The following CFAP92 variants were observed in gnomAD, a reference collection of about 807,000 sequenced individuals.
The protein encoded by CFAP92 is cilia and flagella associated protein 92 (putative).
A neutral mutation model predicts 106.3 loss-of-function variants in CFAP92; 86 were observed. The ratio of observed to expected loss-of-function variants is 0.81; its 90% CI spans 0.68 to 0.97. CFAP92 has a LOEUF of 0.97. Ranked by LOEUF, CFAP92 falls within the 50% of genes least tolerant of loss-of-function variation. The pLI, the probability that CFAP92 is intolerant of heterozygous loss-of-function variation, is 0.00. For synonymous variants in CFAP92, 477 were observed against 506.4 expected, an observed-to-expected ratio of 0.94 and a Z score of 0.78; for missense variants, 1,204 against 1,283.8, an observed-to-expected ratio of 0.94 and a Z score of 0.95.
Position 128,989,300 on chromosome 3 carries a change from A to AG in CFAP92, c.263-383_263-382insC, listed in dbSNP as rs1192923276. On this transcript the variant is annotated intron_variant, in intron 2 of 15. Transcript: ENST00000645291. ...CCCTAAGAAGCAGGTAAAAAAAAAA[A>AG]AAAAAAAAAATCACAGTACAATGTG... Among the ~76,000 whole-genome samples the AG allele has an allele frequency of 2.0e-5, 3 of 151,992 alleles. No homozygotes were observed. In the East Asian group the frequency reaches 5.8e-4, roughly 29 times the overall value.
intron 1 of CFAP92, among the ~76,000 whole-genome samples, chr3:128,999,527 G>T (rs1471060779): frequency 4.1e-5 from 6 of 146,646 alleles, no homozygotes; most frequent in Non-Finnish European, 7.5e-5. Flanking sequence ...AATAAAATCA[G>T]GTTCTTTTTT....
intron 12 of CFAP92, among the ~76,000 whole-genome samples, chr3:128,925,173 G>A (rs191576370): frequency 2.0e-5 from 3 of 152,318 alleles, no homozygotes; most frequent in African/African-American, 4.8e-5. Flanking sequence ...GTTTTTCCAT[G>A]GCCAGTGGGA....
At chr3:128,957,640 A>G (rs1941545719) in intron 9 of CFAP92, among the ~76,000 whole-genome samples, 1 of 152,234 alleles carries the variant, frequency 6.6e-6, no homozygotes, top group Non-Finnish European at 1.5e-5. Context: ...CTTAAGCTCT[A>G]ATATATCAAC....
At chr3:128,987,905 C>A in intron 3 of CFAP92, 76 bp from the exon 4 acceptor site, 1 of 1,292,764 alleles carries the variant, frequency 7.7e-7, no homozygotes, top group Non-Finnish European at 1.1e-6. Flanking sequence ...CAAGCCCCAG[C>A]CCCAGCCTGG....
At chr3:128,940,470 A>C (rs2107719256) in intron 10 of CFAP92, among the ~76,000 whole-genome samples, 1 of 152,280 alleles carries the variant, frequency 6.6e-6, no homozygotes, top group East Asian at 1.9e-4. Flanking sequence ...ATTTCTCCAC[A>C]TCCTTGCCAA....
intron 2 of CFAP92, among the ~76,000 whole-genome samples, chr3:128,992,635 C>T (rs1340417983): frequency 2.0e-5 from 3 of 151,748 alleles, no homozygotes. Context: ...AGTGCAATGG[C>T]GTGATCTCTG....
At chr3:128,912,467 T>C (rs578176853) in intron 15 of CFAP92, 2 of 1,570,674 alleles carry the variant, frequency 1.3e-6, no homozygotes, top group African/African-American at 2.7e-5. Context: ...CTTATCACGG[T>C]GCAGAAAGAT....
At chr3:129,025,215 ACTC>A in the CFAP92 span, among the ~76,000 whole-genome samples, 16 of 151,988 alleles carry the variant, frequency 1.1e-4, no homozygotes, top group South Asian at 2.1e-4. Context: ...GTTGGCTGAG[ACTC>A]CTCCTAGAGC....
chr3:129,002,656 T>G, exon 1 of CFAP92: 15 of 335,940 alleles, frequency 4.5e-5, no homozygotes, highest in Non-Finnish European at 5.4e-5. Context: ...GTCTCACATA[T>G]TCCCTTTCAA....
chr3:128,962,706 C>A (rs907774158), intron 9 of CFAP92, among the ~76,000 whole-genome samples: 12 of 152,140 alleles, frequency 7.9e-5, no homozygotes, highest in African/African-American at 2.9e-4. Context: ...TCCCACAGCA[C>A]GATTTAAAAG....
intron 11 of CFAP92, among the ~76,000 whole-genome samples, chr3:128,933,242 C>T (rs1216286683): frequency 6.6e-6 from 1 of 152,186 alleles, no homozygotes; most frequent in Non-Finnish European, 1.5e-5. Flanking sequence ...CTGAGTGCTG[C>T]TCTGTTCCTG....
intron 12 of CFAP92, among the ~76,000 whole-genome samples, chr3:128,932,378 T>TACACACACACAC (rs112536236): frequency 1.3e-3 from 187 of 147,590 alleles, no homozygotes; most frequent in African/African-American, 4.6e-3. Flanking sequence ...AGCAACATGT[T>TACACACACACAC]ACACACACAC....
At chr3:128,976,015 A>G in intron 6 of CFAP92, 112 bp from the exon 7 acceptor site, 1 of 1,038,670 alleles carries the variant, frequency 9.6e-7, no homozygotes, top group Non-Finnish European at 1.4e-6. Flanking sequence ...AAAACCTCAT[A>G]GTGCATTCCT....
rs767770210 is a variant in CFAP92, at chr3:128,945,652, C to T, written c.1677G>A (p.Met559Ile). The T allele has an allele frequency of 2.6e-6, 4 of 1,536,140 alleles. No individual in the cohort carries two copies. Among genetic ancestry groups the T allele is most frequent in the Non-Finnish European group, 3.5e-6 (4 of 1,146,926 alleles). ...ENNPFESQNK[M>I]WYPYGIAQVS... ...CCTGGGCGATGCCATAAGGGTACCA[C>T]ATCTTGTTCTGGGACTCAAAGGGGT... is the stretch of plus-strand genomic sequence containing the variant. Residue 559 changes from methionine to isoleucine, a missense_variant, in exon 10 of 16, where the codon ATG becomes ATA. Coordinates refer to ENST00000645291, the MANE Select transcript of CFAP92 (RefSeq NM_001394090.1).
At chr3:128,941,416 A>T (rs1343557720) in intron 10 of CFAP92, among the ~76,000 whole-genome samples, 1 of 152,180 alleles carries the variant, frequency 6.6e-6, no homozygotes, top group Non-Finnish European at 1.5e-5. Flanking sequence ...ATTTCCAAAT[A>T]AGCATTTTAA....
chr3:128,980,098 C>T (rs865965302), intron 4 of CFAP92, among the ~76,000 whole-genome samples: 1 of 151,714 alleles, frequency 6.6e-6, no homozygotes, highest in Non-Finnish European at 1.5e-5. Context: ...AGGCTGGGCA[C>T]AGTGGCTCAT....
intron 12 of CFAP92, among the ~76,000 whole-genome samples, chr3:128,922,232 C>T (rs1023444916): frequency 1.3e-5 from 2 of 151,828 alleles, no homozygotes; most frequent in African/African-American, 4.8e-5. Context: ...AGTCCCAGCT[C>T]TCAGGGAGGC....
intron 4 of CFAP92, among the ~76,000 whole-genome samples, chr3:128,984,988 T>C (rs1943763072): frequency 6.6e-6 from 1 of 152,260 alleles, no homozygotes; most frequent in Admixed American, 6.5e-5. Context: ...TAACAATGGC[T>C]ATCTCTGGAC....
chr3:128,933,027 C>T, intron 11 of CFAP92, 30 bp from the exon 12 acceptor site: 1 of 1,531,484 alleles, frequency 6.5e-7, no homozygotes, highest in Non-Finnish European at 8.7e-7. Context: ...CCCCACTGAA[C>T]CTCTCCTACC....
Sources: gnomAD v4.1 joint callset for allele counts (sites outside exome capture counted in the v4.1 genomes callset) on GRCh38, gnomAD v4.1.1 for gene constraint, MANE v1.5 for transcripts, NCBI Gene and HGNC (gene_info 2026-07-23, HGNC 2026-07-21) for gene names.